PABPC4L: variants seen among roughly 807,000 people sequenced by gnomAD.
The protein encoded by PABPC4L is poly(A) binding protein cytoplasmic 4 like.
For missense variants in PABPC4L, 452 were observed against 451.4 expected (o/e 1.00, Z -0.01); for synonymous variants, 169 against 164.1 (o/e 1.03, Z -0.23).
chr4:134,021,324 G>A, the PABPC4L span, among the ~76,000 whole-genome samples: 1 of 152,154 alleles, frequency 6.6e-6, no homozygotes, highest in East Asian at 1.9e-4. Flanking sequence ...GACCTGTGTA[G>A]AAGGTGGCAC....
chr4:134,183,771 T>C, the PABPC4L span, among the ~76,000 whole-genome samples: 1 of 151,812 alleles, frequency 6.6e-6, no homozygotes, highest in Non-Finnish European at 1.5e-5. Context: ...CTACACAAAA[T>C]CTATAAAATA....
chr4:134,058,232 C>T, the PABPC4L span, among the ~76,000 whole-genome samples: 2 of 151,842 alleles, frequency 1.3e-5, no homozygotes, highest in African/African-American at 2.4e-5. Flanking sequence ...GAAGATAAAA[C>T]ATACTTAAAT....
At chr4:133,952,040 C>T in the PABPC4L span, among the ~76,000 whole-genome samples, 1 of 152,118 alleles carries the variant, frequency 6.6e-6, no homozygotes, top group Non-Finnish European at 1.5e-5. Flanking sequence ...TTTGGAGGCT[C>T]ACAATCCCCT....
the PABPC4L span, among the ~76,000 whole-genome samples, chr4:133,979,320 T>C: frequency 6.6e-6 from 1 of 152,136 alleles, no homozygotes; most frequent in African/African-American, 2.4e-5. Context: ...TGTAAGCTAA[T>C]CCTAAAGTTC....
At chr4:134,110,905 A>G in the PABPC4L span, among the ~76,000 whole-genome samples, 1 of 152,034 alleles carries the variant, frequency 6.6e-6, no homozygotes, top group African/African-American at 2.4e-5. Context: ...CAAATGAGGA[A>G]CTCAAGGCTA....
At chr4:134,155,499 G>T in the PABPC4L span, among the ~76,000 whole-genome samples, 2 of 144,460 alleles carry the variant, frequency 1.4e-5, no homozygotes, top group Non-Finnish European at 3.0e-5. Context: ...TGAGATCTAT[G>T]TCTATCTTCC....
the PABPC4L span, among the ~76,000 whole-genome samples, chr4:134,148,996 A>G: frequency 6.6e-6 from 1 of 152,128 alleles, no homozygotes; most frequent in Admixed American, 6.6e-5. Flanking sequence ...ACTGGGTACA[A>G]TGGTGAGAAA....
At chr4:133,969,671 G>T in the PABPC4L span, among the ~76,000 whole-genome samples, 4 of 152,196 alleles carry the variant, frequency 2.6e-5, no homozygotes, top group Non-Finnish European at 5.9e-5. Context: ...GGCATGTGGG[G>T]TGGGCATTCT....
the PABPC4L span, among the ~76,000 whole-genome samples, chr4:133,953,913 C>A: frequency 6.6e-6 from 1 of 152,148 alleles, no homozygotes; most frequent in Admixed American, 6.6e-5. Context: ...CTAAACCAAG[C>A]GGATCTTTTA....
At chr4:134,121,409 C>T in the PABPC4L span, among the ~76,000 whole-genome samples, 1 of 151,382 alleles carries the variant, frequency 6.6e-6, no homozygotes, top group African/African-American at 2.4e-5. Context: ...TTACCTTTCT[C>T]CAGAAGAGAT....
the PABPC4L span, among the ~76,000 whole-genome samples, chr4:134,012,519 C>T: frequency 6.6e-6 from 1 of 152,194 alleles, no homozygotes; most frequent in Non-Finnish European, 1.5e-5. Flanking sequence ...TCTCCCTTCG[C>T]TGACTCTCTT....
the PABPC4L span, among the ~76,000 whole-genome samples, chr4:134,124,221 G>A: frequency 5.3e-5 from 8 of 151,930 alleles, no homozygotes; most frequent in Non-Finnish European, 1.0e-4. Context: ...AGAGGCCAAG[G>A]GACAAAGCAC....
chr4:134,080,803 A>G, the PABPC4L span, among the ~76,000 whole-genome samples: 4 of 152,176 alleles, frequency 2.6e-5, no homozygotes, highest in African/African-American at 9.6e-5. Flanking sequence ...TAGGTTATGA[A>G]AATTAGTCTA....
chr4:134,052,811 T>C, the PABPC4L span, among the ~76,000 whole-genome samples: 2 of 152,002 alleles, frequency 1.3e-5, no homozygotes, highest in Non-Finnish European at 2.9e-5. Flanking sequence ...GATGCAAGAG[T>C]TTTTGGTATT....
chr4:133,994,536 T>G, the PABPC4L span, among the ~76,000 whole-genome samples: 3 of 152,108 alleles, frequency 2.0e-5, no homozygotes, highest in Non-Finnish European at 2.9e-5. Context: ...ATGCCGATAA[T>G]TTTTTGCTTC....
chr4:133,976,128 C>T, the PABPC4L span, among the ~76,000 whole-genome samples: 1 of 152,034 alleles, frequency 6.6e-6, no homozygotes, highest in Non-Finnish European at 1.5e-5. Context: ...CCCAACAGAG[C>T]CCAGTTTGTG....
At position 134,199,314 on chromosome 4, in the gene PABPC4L, T is replaced by G. The variant is rs575839334; in HGVS notation, c.*593A>C. The G allele has an allele frequency of 2.0e-5, 3 of 152,284 alleles. No homozygotes were observed. In the East Asian group the frequency reaches 5.8e-4, roughly 29 times the overall value. The allele number at this position is 152,284 out of a possible 1,614,324, so 9.4% of individuals were successfully genotyped here. A position where few individuals can be genotyped will look rare whatever the true frequency, so the allele number is the denominator to read the frequency against. ...ATTAAAAACTTCCATCATCTTAATT[T>G]AAACCATCCGAAAAACAAGCATGTC... On this transcript the variant is annotated 3_prime_UTR_variant, in exon 2 of 2. Coordinates refer to ENST00000421491, the MANE Select transcript of PABPC4L (RefSeq NM_001114734.2).
the PABPC4L span, among the ~76,000 whole-genome samples, chr4:134,020,573 C>A: frequency 3.3e-5 from 5 of 152,018 alleles, no homozygotes; most frequent in African/African-American, 1.2e-4. Flanking sequence ...CCTCATTTTC[C>A]TGGCCCTCAC....
the PABPC4L span, among the ~76,000 whole-genome samples, chr4:134,176,210 T>G: frequency 6.6e-6 from 1 of 152,218 alleles, no homozygotes; most frequent in Admixed American, 6.5e-5. Context: ...GTATTAAATT[T>G]TTATTCATGA....
Sources: allele counts gnomAD v4.1 joint callset (sites outside exome capture counted in the v4.1 genomes callset), GRCh38; gene constraint gnomAD v4.1.1; transcripts MANE v1.5; gene names NCBI Gene and HGNC (gene_info 2026-07-23, HGNC 2026-07-21).